The following SNTG2 variants were observed in gnomAD, a reference collection of about 807,000 sequenced individuals.
SNTG2 encodes the protein gamma-2-syntrophin.
Under a neutral mutation model 70.9 loss-of-function variants are expected in SNTG2, and 74 were observed. The observed-to-expected ratio is 1.04, with a 90% CI of 0.86 to 1.27. The LOEUF (loss-of-function observed/expected upper bound fraction) is 1.27. Among genes scored for constraint, SNTG2 ranks in the 50% most tolerant of loss-of-function variants. SNTG2 has a pLI of 0.00. For missense variants in SNTG2, 717 were observed against 690.7 expected, an observed-to-expected ratio of 1.04 and a Z score of -0.43; for synonymous variants, 278 against 273.8, an observed-to-expected ratio of 1.02 and a Z score of -0.15.
chr2:993,294 G>T (rs1375974873), intron 1 of SNTG2, among the ~76,000 whole-genome samples: 1 of 146,850 alleles, frequency 6.8e-6, no homozygotes, highest in Non-Finnish European at 1.5e-5. Flanking sequence ...TCTCATTGTG[G>T]GTTCTTTTGC....
chr2:1,022,458 T>C (rs1441753075), intron 1 of SNTG2, among the ~76,000 whole-genome samples: 1 of 151,938 alleles, frequency 6.6e-6, no homozygotes, highest in East Asian at 1.9e-4. Context: ...CATGATTGCC[T>C]GAGTTCCCAT....
intron 14 of SNTG2, among the ~76,000 whole-genome samples, chr2:1,284,571 C>T (rs544155367): frequency 2.8e-4 from 42 of 152,272 alleles, no homozygotes; most frequent in Admixed American, 5.9e-4. Flanking sequence ...TTGATGGAGA[C>T]GCCAAACCAA....
intron 1 of SNTG2, among the ~76,000 whole-genome samples, chr2:1,074,682 T>C (rs1244898337): frequency 6.6e-6 from 1 of 152,218 alleles, no homozygotes; most frequent in African/African-American, 2.4e-5. Flanking sequence ...CTACAATTTA[T>C]ACACCTTATA....
intron 1 of SNTG2, among the ~76,000 whole-genome samples, chr2:1,024,276 C>G (rs1479339376): frequency 6.6e-6 from 1 of 152,158 alleles, no homozygotes; most frequent in Non-Finnish European, 1.5e-5. Flanking sequence ...AAATATAAAA[C>G]TTAACTAAGC....
At chr2:1,259,135 C>G (rs1033283177) in intron 12 of SNTG2, among the ~76,000 whole-genome samples, 3 of 152,098 alleles carry the variant, frequency 2.0e-5, no homozygotes, top group Non-Finnish European at 4.4e-5. Context: ...AGGAGATAGA[C>G]GTTTTCCTGT....
chr2:1,163,156 T>G (rs1670444249), intron 6 of SNTG2: 1 of 151,104 alleles, frequency 6.6e-6, no homozygotes, highest in Non-Finnish European at 1.5e-5. Context: ...GAAGTGGGCG[T>G]GTGGAGCCTT....
intron 14 of SNTG2, among the ~76,000 whole-genome samples, chr2:1,287,598 C>A (rs1165524090): frequency 6.6e-6 from 1 of 152,186 alleles, no homozygotes; most frequent in Non-Finnish European, 1.5e-5. Context: ...GTGCAGGTGG[C>A]AGAGTGACGG....
intron 1 of SNTG2, among the ~76,000 whole-genome samples, chr2:960,748 GGT>G (rs1660321452): frequency 6.8e-6 from 1 of 146,310 alleles, no homozygotes; most frequent in South Asian, 2.2e-4. Context: ...ATGGGAGCAC[GGT>G]GAGCTCTGAG....
chr2:1,062,303 G>A (rs1406343000), intron 1 of SNTG2, among the ~76,000 whole-genome samples: 4 of 152,178 alleles, frequency 2.6e-5, no homozygotes, highest in East Asian at 1.9e-4. Flanking sequence ...TCTAGATGGA[G>A]ACATAGAAAT....
chr2:1,243,887 G>T (rs936784592), intron 11 of SNTG2, among the ~76,000 whole-genome samples: 1 of 152,216 alleles, frequency 6.6e-6, no homozygotes, highest in Non-Finnish European at 1.5e-5. Flanking sequence ...TTAGCCGGGC[G>T]TGGTGGCACG....
intron 8 of SNTG2, among the ~76,000 whole-genome samples, chr2:1,193,731 A>C (rs766350643): frequency 7.9e-5 from 12 of 152,218 alleles, no homozygotes; most frequent in Non-Finnish European, 1.6e-4. Context: ...GGCAGAAGTA[A>C]ATTTATTTTT....
intron 1 of SNTG2, among the ~76,000 whole-genome samples, chr2:1,018,656 T>C (rs941177617): frequency 3.5e-4 from 54 of 152,250 alleles, no homozygotes; most frequent in African/African-American, 1.3e-3. Flanking sequence ...TCTCACCTGG[T>C]TCAGGCTGTG....
chr2:1,098,481 A>G (rs1665544518), intron 4 of SNTG2, 71 bp downstream of exon 4: 3 of 1,480,630 alleles, frequency 2.0e-6, no homozygotes, highest in African/African-American at 1.4e-5. Context: ...TGAAAATGAT[A>G]AAAATCAGCA....
intron 11 of SNTG2, 95 bp downstream of exon 11, chr2:1,239,871 G>T: frequency 6.8e-7 from 1 of 1,464,126 alleles, no homozygotes; most frequent in Non-Finnish European, 9.4e-7. Context: ...AGCAGTCTCT[G>T]GTTTTTTGAA....
intron 1 of SNTG2, among the ~76,000 whole-genome samples, chr2:1,012,935 G>A (rs376133424): frequency 7.1e-5 from 4 of 56,296 alleles, no homozygotes; most frequent in East Asian, 4.0e-4. Flanking sequence ...CAGAGAGAAG[G>A]GTGGTCTGTA....
At chr2:1,357,660 T>C (rs987945641) in intron 16 of SNTG2, among the ~76,000 whole-genome samples, 1 of 152,168 alleles carries the variant, frequency 6.6e-6, no homozygotes, top group Non-Finnish European at 1.5e-5. Context: ...TTTCTTTTGT[T>C]GGAATGTTTT....
intron 10 of SNTG2, 60 bp from the exon 11 acceptor site, chr2:1,239,678 C>G: frequency 6.3e-7 from 1 of 1,583,030 alleles, no homozygotes. Context: ...AGCTGTCACT[C>G]AGGTGAGCCA....
intron 4 of SNTG2, among the ~76,000 whole-genome samples, chr2:1,112,668 A>C (rs1365812889): frequency 6.6e-6 from 1 of 151,398 alleles, no homozygotes; most frequent in Non-Finnish European, 1.5e-5. Flanking sequence ...TAACCCTTAC[A>C]GTCCTTTGAG....
chr2:1,157,068 C>T (rs952934507), intron 6 of SNTG2, among the ~76,000 whole-genome samples: 1 of 152,194 alleles, frequency 6.6e-6, no homozygotes, highest in Non-Finnish European at 1.5e-5. Flanking sequence ...ACTCAGCATA[C>T]CCCATGTGCA....
Sources: gnomAD v4.1 joint callset for allele counts (sites outside exome capture counted in the v4.1 genomes callset) on GRCh38, gnomAD v4.1.1 for gene constraint, MANE v1.5 for transcripts, NCBI Gene and HGNC (gene_info 2026-07-23, HGNC 2026-07-21) for gene names.